The following CSTPP1 variants were observed in gnomAD, a reference collection of about 807,000 sequenced individuals.
CSTPP1 encodes the protein UPF0705 protein C11orf49.
At chr11:47,048,489 A>G in the CSTPP1 span, among the ~76,000 whole-genome samples, 1 of 151,784 alleles carries the variant, frequency 6.6e-6, no homozygotes, top group Non-Finnish European at 1.5e-5. Context: ...AAGGAAGGAA[A>G]GAAGGAAGGA....
the CSTPP1 span, among the ~76,000 whole-genome samples, chr11:46,962,769 A>G: frequency 3.3e-5 from 5 of 152,036 alleles, no homozygotes; most frequent in Admixed American, 2.0e-4. Flanking sequence ...CCTGGGCAAC[A>G]TGGCGAAACC....
At chr11:47,085,099 G>T in the CSTPP1 span, among the ~76,000 whole-genome samples, 1 of 152,108 alleles carries the variant, frequency 6.6e-6, no homozygotes, top group Non-Finnish European at 1.5e-5. Flanking sequence ...AGCTAGTCGG[G>T]AGGCTGAGGC....
chr11:47,049,999 C>T, the CSTPP1 span, among the ~76,000 whole-genome samples: 4 of 151,976 alleles, frequency 2.6e-5, no homozygotes, highest in East Asian at 1.9e-4. Context: ...AAAAGCTACT[C>T]GTTAACATAT....
At chr11:47,070,948 C>T in the CSTPP1 span, among the ~76,000 whole-genome samples, 1 of 152,110 alleles carries the variant, frequency 6.6e-6, no homozygotes, top group African/African-American at 2.4e-5. Flanking sequence ...ACTCCTTGTG[C>T]TTTCCCCCTT....
At chr11:47,026,191 T>C in the CSTPP1 span, among the ~76,000 whole-genome samples, 1 of 152,214 alleles carries the variant, frequency 6.6e-6, no homozygotes, top group African/African-American at 2.4e-5. Context: ...ATGTAATATG[T>C]AGCAGAAGGT....
the CSTPP1 span, among the ~76,000 whole-genome samples, chr11:46,973,351 A>G: frequency 6.6e-6 from 1 of 152,164 alleles, no homozygotes; most frequent in South Asian, 2.1e-4. Flanking sequence ...AAATATATGG[A>G]TGCTTTATGT....
At chr11:47,111,383 G>A in the CSTPP1 span, among the ~76,000 whole-genome samples, 1 of 152,128 alleles carries the variant, frequency 6.6e-6, no homozygotes, top group Admixed American at 6.6e-5. Context: ...ATGTTGCTGG[G>A]CTCCCTGGCT....
At chr11:47,040,623 C>G in the CSTPP1 span, among the ~76,000 whole-genome samples, 1 of 127,102 alleles carries the variant, frequency 7.9e-6, no homozygotes, top group African/African-American at 2.5e-5. Context: ...GCAGTTTATA[C>G]AGCATTTTCA....
chr11:47,118,259 C>T, the CSTPP1 span, among the ~76,000 whole-genome samples: 1 of 152,180 alleles, frequency 6.6e-6, no homozygotes, highest in African/African-American at 2.4e-5. Context: ...GAAGCTTGTG[C>T]ATGCGTCACG....
At chr11:47,072,786 A>G in the CSTPP1 span, among the ~76,000 whole-genome samples, 3 of 152,186 alleles carry the variant, frequency 2.0e-5, no homozygotes, top group East Asian at 5.8e-4. Flanking sequence ...CAGTGATCAG[A>G]GCCTTATGTA....
the CSTPP1 span, among the ~76,000 whole-genome samples, chr11:47,162,872 C>A: frequency 1.3e-5 from 2 of 152,176 alleles, no homozygotes; most frequent in East Asian, 3.9e-4. Context: ...GAGGCCAAGA[C>A]TAGGCATTCC....
the CSTPP1 span, chr11:47,052,455 C>G: frequency 6.8e-6 from 11 of 1,614,124 alleles, no homozygotes; most frequent in South Asian, 1.1e-5. Context: ...AGCCACCCCC[C>G]ACAATAGGGT....
chr11:47,080,802 A>C, the CSTPP1 span, among the ~76,000 whole-genome samples: 1 of 152,102 alleles, frequency 6.6e-6, no homozygotes, highest in Admixed American at 6.5e-5. Context: ...TGAGCCTAGG[A>C]GTTCGAGACC....
At chr11:47,010,437 AG>A in the CSTPP1 span, among the ~76,000 whole-genome samples, 1 of 152,352 alleles carries the variant, frequency 6.6e-6, no homozygotes, top group African/African-American at 2.4e-5. Context: ...TGTCAGTTGC[AG>A]TAGCTGCTTA....
the CSTPP1 span, among the ~76,000 whole-genome samples, chr11:47,044,436 A>C: frequency 2.6e-5 from 4 of 152,152 alleles, no homozygotes; most frequent in Admixed American, 2.0e-4. Flanking sequence ...GAGCGCAGTC[A>C]CGTGAATCTT....
the CSTPP1 span, among the ~76,000 whole-genome samples, chr11:47,147,734 A>C: frequency 6.6e-6 from 1 of 152,272 alleles, no homozygotes; most frequent in Non-Finnish European, 1.5e-5. Flanking sequence ...CTGTATTTGA[A>C]TTATAGCTTT....
the CSTPP1 span, among the ~76,000 whole-genome samples, chr11:47,005,490 A>T: frequency 6.6e-6 from 1 of 152,216 alleles, no homozygotes; most frequent in African/African-American, 2.4e-5. Flanking sequence ...GGCCCAGTAC[A>T]CTGAGAATTG....
chr11:46,988,882 T>A, the CSTPP1 span, among the ~76,000 whole-genome samples: 1,524 of 152,198 alleles, frequency 0.01, 21 homozygotes, highest in African/African-American at 0.031. Context: ...CTTAAAAAAA[T>A]TTTTTAAAGG....
the CSTPP1 span, among the ~76,000 whole-genome samples, chr11:47,135,129 T>TA: frequency 6.6e-5 from 10 of 151,958 alleles, no homozygotes; most frequent in Admixed American, 6.6e-4. Context: ...ATTAATTAAT[T>TA]AAAATTTAAA....
Sources: allele counts gnomAD v4.1 joint callset (sites outside exome capture counted in the v4.1 genomes callset), GRCh38; gene constraint gnomAD v4.1.1; transcripts MANE v1.5; gene names NCBI Gene and HGNC (gene_info 2026-07-23, HGNC 2026-07-21).